The following EPS15L1 variants were observed in gnomAD, a reference collection of about 807,000 sequenced individuals.
EPS15L1 encodes epidermal growth factor receptor pathway substrate 15 like 1.
In EPS15L1, 43 loss-of-function variants were observed where a neutral mutation model predicts 117.1. The ratio of observed to expected loss-of-function variants is 0.37; its 90% CI spans 0.29 to 0.47. The LOEUF (loss-of-function observed/expected upper bound fraction) is 0.47, where lower values mean the gene tolerates loss of function less well. EPS15L1 is among the 20% of genes least tolerant of loss of function. The pLI, the probability that EPS15L1 is intolerant of heterozygous loss-of-function variation, is 0.99. For missense variants in EPS15L1, 981 were observed against 1,164.0 expected (o/e 0.84, Z 2.29); for synonymous variants, 459 against 470.5 (o/e 0.98, Z 0.32).
chr19:16,375,564 C>G (rs929299062), intron 22 of EPS15L1, among the ~76,000 whole-genome samples: 1 of 152,126 alleles, frequency 6.6e-6, no homozygotes, highest in Admixed American at 6.5e-5. Flanking sequence ...AACAAGGATC[C>G]CTGAAGAGCC....
At chr19:16,388,701 C>T (rs1478055609) in intron 19 of EPS15L1, among the ~76,000 whole-genome samples, 1 of 151,996 alleles carries the variant, frequency 6.6e-6, no homozygotes, top group Non-Finnish European at 1.5e-5. Flanking sequence ...GTGGCGGGCG[C>T]CTGTAGTCCC....
intron 23 of EPS15L1, chr19:16,361,500 A>C: frequency 1.1e-6 from 1 of 948,884 alleles, no homozygotes; most frequent in Non-Finnish European, 1.3e-6. Context: ...AAATAATACA[A>C]TGAATCTACC....
intron 1 of EPS15L1, among the ~76,000 whole-genome samples, chr19:16,456,690 A>G (rs1021715082): frequency 2.0e-5 from 3 of 152,014 alleles, no homozygotes; most frequent in Non-Finnish European, 4.4e-5. Flanking sequence ...CAAACAAAAA[A>G]TAGAGTCCTG....
chr19:16,358,683 G>A (rs576774702), intron 23 of EPS15L1, among the ~76,000 whole-genome samples: 1 of 152,352 alleles, frequency 6.6e-6, no homozygotes, highest in African/African-American at 2.4e-5. Context: ...GGATGGCCCC[G>A]GGAGGCGCCC....
At chr19:16,375,197 T>C (rs779322118) in intron 22 of EPS15L1, among the ~76,000 whole-genome samples, 1 of 152,212 alleles carries the variant, frequency 6.6e-6, no homozygotes, top group African/African-American at 2.4e-5. Context: ...TGCCTGCATA[T>C]GCGTACATGC....
rs756621961 is a variant in EPS15L1, at chr19:16,418,001, G to A, written c.1054C>T (p.Gln352Ter). 6.2e-7 allele frequency: 1 copy of A among 1,614,238 alleles called. No homozygotes were observed. The highest frequency in any genetic ancestry group is 8.5e-7 in the Non-Finnish European group (1 of 1,180,038). The change falls in exon 11 of 24, where the codon CAA becomes TAA. Residue 352 changes from glutamine (Q) to a stop codon, truncating the protein, a stop_gained. Transcript: ENST00000455140. LOFTEE classifies it high-confidence loss of function. The part of the protein sequence containing the change: ...QKVSKGIDPP[Q>*]VLSPDMVPPS... ...GGGACCATGTCCGGCGAGAGGACTT[G>A]AGGAGGGTCGATGCCTTTACTGACC...
At chr19:16,441,288 C>G (rs952250946) in intron 3 of EPS15L1, 2 of 251,810 alleles carry the variant, frequency 7.9e-6, no homozygotes, top group Admixed American at 4.8e-5. Flanking sequence ...CTGGCTAACA[C>G]AGTGAAACCC....
rs900626303 is a variant in EPS15L1, at chr19:16,355,381, C to T, written c.*324G>A. The T allele has an allele frequency of 6.8e-6, 2 of 295,760 alleles. No individual in the cohort carries two copies. Among genetic ancestry groups the T allele is most frequent in the Non-Finnish European group, 1.3e-5 (2 of 158,738 alleles). The allele number at this position is 295,760 out of a possible 1,614,324, so 18.3% of individuals were successfully genotyped here. ...TCTGCAGCTATGAGTAGGGAGGAGGCGGGGAAGCCCTGGGTGCTTCCTCTC... is the reference window on the plus strand; with the variant it reads ...TCTGCAGCTATGAGTAGGGAGGAGGTGGGGAAGCCCTGGGTGCTTCCTCTC... On this transcript the variant is annotated 3_prime_UTR_variant, in exon 24 of 24. Transcript: ENST00000455140.
chr19:16,441,813 C>T (rs1417786761), intron 3 of EPS15L1, 79 bp downstream of exon 3: 1 of 1,141,564 alleles, frequency 8.8e-7, no homozygotes, highest in Non-Finnish European at 1.3e-6. Flanking sequence ...GGAAGGAGGC[C>T]TGCACAGGCT....
intron 15 of EPS15L1, among the ~76,000 whole-genome samples, chr19:16,402,771 G>A (rs1055249247): frequency 6.6e-6 from 1 of 151,988 alleles, no homozygotes; most frequent in Non-Finnish European, 1.5e-5. Context: ...TTTTTGTAGA[G>A]ATGGGGTCTC....
chr19:16,461,157 A>T (rs985250052), intron 1 of EPS15L1, among the ~76,000 whole-genome samples: 1 of 151,860 alleles, frequency 6.6e-6, no homozygotes, highest in African/African-American at 2.4e-5. Flanking sequence ...TACAAAAATT[A>T]GCCGGGCGTG....
intron 1 of EPS15L1, among the ~76,000 whole-genome samples, chr19:16,455,403 G>T (rs559238869): frequency 1.3e-5 from 2 of 152,192 alleles, no homozygotes; most frequent in Non-Finnish European, 2.9e-5. Flanking sequence ...TGGGATTACA[G>T]GCATGAGCAC....
intron 8 of EPS15L1, among the ~76,000 whole-genome samples, chr19:16,425,738 G>C (rs914784875): frequency 6.6e-6 from 1 of 152,156 alleles, no homozygotes. Context: ...CCAGGAGATG[G>C]AGGCTGCAGT....
intron 1 of EPS15L1, among the ~76,000 whole-genome samples, chr19:16,445,076 T>C (rs954492964): frequency 6.6e-6 from 1 of 152,074 alleles, no homozygotes; most frequent in Admixed American, 6.6e-5. Context: ...TCCAAGCTAC[T>C]GTGATTCCAG....
At chr19:16,403,672 C>A in intron 15 of EPS15L1, 61 bp downstream of exon 15, 3 of 1,489,628 alleles carry the variant, frequency 2.0e-6, no homozygotes, top group Non-Finnish European at 1.9e-6. Context: ...GCAGTGGCAG[C>A]CTCGGCTCTT....
intron 1 of EPS15L1, among the ~76,000 whole-genome samples, chr19:16,444,352 C>T (rs527595189): frequency 3.3e-4 from 50 of 152,232 alleles, no homozygotes; most frequent in African/African-American, 1.2e-3. Context: ...AAGATGGCTG[C>T]CCCCCTCGTG....
At chr19:16,459,716 A>G (rs2093230230) in intron 1 of EPS15L1, among the ~76,000 whole-genome samples, 1 of 152,118 alleles carries the variant, frequency 6.6e-6, no homozygotes, top group Non-Finnish European at 1.5e-5. Context: ...TACATCCCCT[A>G]TTATGGTTAC....
In EPS15L1 at chr19:16,365,631, G is replaced by A. The variant is rs892769626; in HGVS notation, c.2381-3647C>T. ...GACAGTGTCCTGCACCCCAGCCTGT[G>A]GGTTTGCAGGGGATAGGGACAGTGA... On this transcript the variant is annotated intron_variant, in intron 22 of 23. Transcript: ENST00000455140. This position sits in a 1 kb window ranked among gnomAD's most constrained non-coding sequence, Gnocchi z 4.9. Among the ~76,000 whole-genome samples, 3 of 152,230 alleles carry A rather than the reference G, an allele frequency of 2.0e-5. No homozygotes were observed. The highest frequency in any genetic ancestry group is 4.8e-5 in the African/African-American group (2 of 41,462).
At chr19:16,464,739 C>CTAACAT (rs1208915475) in intron 1 of EPS15L1, among the ~76,000 whole-genome samples, 1 of 151,518 alleles carries the variant, frequency 6.6e-6, no homozygotes, top group Non-Finnish European at 1.5e-5. Context: ...TACACTAACA[C>CTAACAT]TAACACTAAC....
Sources: gnomAD v4.1 joint callset for allele counts (sites outside exome capture counted in the v4.1 genomes callset) on GRCh38, gnomAD v4.1.1 for gene constraint, Gnocchi (gnomAD v3.1) non-coding constraint, MANE v1.5 for transcripts, NCBI Gene and HGNC (gene_info 2026-07-23, HGNC 2026-07-21) for gene names.